The following PPP6R2 variants were observed in gnomAD, a reference collection of about 807,000 sequenced individuals.
The protein encoded by PPP6R2 is protein phosphatase 6 regulatory subunit 2, also known as serine/threonine-protein phosphatase 6 regulatory subunit 2.
A neutral mutation model predicts 100.2 loss-of-function variants in PPP6R2; 62 were observed. The ratio of observed to expected loss-of-function variants is 0.62; its 90% CI spans 0.50 to 0.76. PPP6R2 has a LOEUF of 0.76. PPP6R2 is among the 30% of genes least tolerant of loss of function. The pLI is 0.00. For missense variants in PPP6R2, 1,142 were observed against 1,276.3 expected (o/e 0.89, Z 1.60); for synonymous variants, 525 against 514.7 (o/e 1.02, Z -0.27).
At chr22:50,382,360 A>G (rs923940258) in intron 2 of PPP6R2, among the ~76,000 whole-genome samples, 2 of 152,126 alleles carry the variant, frequency 1.3e-5, no homozygotes, top group Non-Finnish European at 2.9e-5. Flanking sequence ...GCACTTTGGG[A>G]GGCTAAGGCG....
chr22:50,349,430 A>G (rs1472912084), intron 1 of PPP6R2, among the ~76,000 whole-genome samples: 1 of 148,370 alleles, frequency 6.7e-6, no homozygotes, highest in Non-Finnish European at 1.5e-5. Flanking sequence ...GCACTTTGGG[A>G]GGCTGAGGCG....
intron 1 of PPP6R2, among the ~76,000 whole-genome samples, chr22:50,369,029 G>C (rs2049380189): frequency 6.6e-6 from 1 of 152,076 alleles, no homozygotes; most frequent in Non-Finnish European, 1.5e-5. Context: ...AGCTGAGGTT[G>C]GGAGTTCACG....
chr22:50,358,283 T>C (rs2047037618), intron 1 of PPP6R2, among the ~76,000 whole-genome samples: 2 of 152,202 alleles, frequency 1.3e-5, no homozygotes, highest in African/African-American at 4.8e-5. Flanking sequence ...TTTTGTTGTT[T>C]CTTATTTGTT....
At chr22:50,354,868 C>CTTTTTTT (rs762678639) in intron 1 of PPP6R2, among the ~76,000 whole-genome samples, 7 of 126,346 alleles carry the variant, frequency 5.5e-5, no homozygotes, top group South Asian at 2.6e-4. Context: ...CTGGATCAGC[C>CTTTTTTT]TTTTTTTTTT....
intron 2 of PPP6R2, among the ~76,000 whole-genome samples, chr22:50,389,615 G>A (rs1009519277): frequency 5.4e-5 from 8 of 149,132 alleles, no homozygotes; most frequent in South Asian, 2.1e-4. Context: ...GTGTAGTGGC[G>A]TGATCTCGGC....
chr22:50,409,050 G>A (rs916675606), intron 4 of PPP6R2, among the ~76,000 whole-genome samples: 3 of 152,172 alleles, frequency 2.0e-5, no homozygotes, highest in Non-Finnish European at 4.4e-5. Context: ...GGAGGCAGAG[G>A]TTGCAGTGAG....
chr22:50,427,979 C>G (rs2062491371), intron 10 of PPP6R2, among the ~76,000 whole-genome samples: 1 of 152,198 alleles, frequency 6.6e-6, no homozygotes, highest in African/African-American at 2.4e-5. Flanking sequence ...CTTGGCCTCC[C>G]AAAGTGCTGG....
chr22:50,434,206 C>T (rs570576156), intron 12 of PPP6R2, among the ~76,000 whole-genome samples: 1 of 72,180 alleles, frequency 1.4e-5, no homozygotes, highest in African/African-American at 4.9e-5. Flanking sequence ...TGGAGGTGAA[C>T]CTGGAGGAGG....
rs994105607 is a variant in PPP6R2 at position 50,423,081 on chromosome 22, T to C, written c.973-381T>C. Among the ~76,000 whole-genome samples, 1 of 152,128 alleles carries C rather than the reference T, an allele frequency of 6.6e-6. No homozygotes were observed. ...CACTTGTTAGCTTGGTGTTCTGAGA[T>C]TGTGGCCGCAGAGGGACCCCCACTG... is the stretch of plus-strand genomic sequence containing the variant. On this transcript the variant is annotated intron_variant, in intron 9 of 23. Transcript: ENST00000612753. The surrounding 1 kb of genome is among the most constrained non-coding windows in gnomAD (Gnocchi z 4.8).
At position 50,378,446 on chromosome 22, in the gene PPP6R2, C is replaced by T. The variant is rs188272551; in HGVS notation, c.-17+6296C>T. 2.9e-3 allele frequency among the ~76,000 whole-genome samples: 436 copies of T among 151,996 alleles called. 1 individual carries two copies. Among genetic ancestry groups the T allele is most frequent in the African/African-American group, 9.6e-3 (396 of 41,424 alleles). The stretch of plus-strand genomic sequence containing the variant: ...TACTAAAAATACAAAATTAGCCAGA[C>T]GTGGTGGTGCATGCCTGTAATCCCA... On this transcript the variant is annotated intron_variant, in intron 2 of 23. Coordinates refer to ENST00000612753, the MANE Select transcript of PPP6R2 (RefSeq NM_001242898.2).
intron 14 of PPP6R2, among the ~76,000 whole-genome samples, chr22:50,436,771 C>G (rs2064375447): frequency 6.6e-6 from 1 of 152,242 alleles, no homozygotes; most frequent in South Asian, 2.1e-4. Context: ...GACCCACAAC[C>G]TGCCCCCTGC....
intron 22 of PPP6R2, among the ~76,000 whole-genome samples, chr22:50,442,228 T>C (rs542044627): frequency 1.3e-5 from 2 of 152,336 alleles, no homozygotes; most frequent in East Asian, 1.9e-4. Context: ...TCCTGCTCAC[T>C]GACCCCCGGC....
intron 2 of PPP6R2, among the ~76,000 whole-genome samples, chr22:50,373,138 A>T (rs1471679445): frequency 6.6e-6 from 1 of 152,116 alleles, no homozygotes; most frequent in East Asian, 1.9e-4. Context: ...TGAAAAGGGG[A>T]GGGAAGGACC....
chr22:50,436,960 C>T (rs571486343), intron 14 of PPP6R2, 28 bp from the exon 15 acceptor site: 62 of 1,539,034 alleles, frequency 4.0e-5, no homozygotes, highest in Non-Finnish European at 4.8e-5. Flanking sequence ...CTGGCTCACA[C>T]GCCCACCCCA....
chr22:50,391,162 G>A (rs921574548), intron 2 of PPP6R2, among the ~76,000 whole-genome samples: 2 of 151,498 alleles, frequency 1.3e-5, no homozygotes, highest in Non-Finnish European at 2.9e-5. Context: ...GTCCAGGCGC[G>A]GTGGCTCACA....
chr22:50,413,923 T>TA, intron 4 of PPP6R2, among the ~76,000 whole-genome samples: 1 of 152,332 alleles, frequency 6.6e-6, no homozygotes, highest in Middle Eastern at 3.4e-3. Flanking sequence ...TCTCCACTGT[T>TA]ACCTTGGATC....
intron 2 of PPP6R2, among the ~76,000 whole-genome samples, chr22:50,386,974 C>T (rs1292641183): frequency 6.6e-6 from 1 of 152,130 alleles, no homozygotes; most frequent in African/African-American, 2.4e-5. Context: ...GCCCTCTCTT[C>T]CTATCTGTCC....
At chr22:50,395,023 T>C (rs2056483148) in intron 3 of PPP6R2, among the ~76,000 whole-genome samples, 1 of 151,634 alleles carries the variant, frequency 6.6e-6, no homozygotes, top group African/African-American at 2.4e-5. Flanking sequence ...AGTGGCAATA[T>C]GTTGGGAAAA....
upstream of PPP6R2, among the ~76,000 whole-genome samples, chr22:50,340,694 C>A (rs1277760245): frequency 6.6e-6 from 1 of 151,734 alleles, no homozygotes; most frequent in Non-Finnish European, 1.5e-5. Context: ...CCAGAGGCCA[C>A]TCCTAAGCAC....
Sources: gnomAD v4.1 joint callset for allele counts (sites outside exome capture counted in the v4.1 genomes callset) on GRCh38, gnomAD v4.1.1 for gene constraint, Gnocchi (gnomAD v3.1) non-coding constraint, MANE v1.5 for transcripts, NCBI Gene and HGNC (gene_info 2026-07-23, HGNC 2026-07-21) for gene names.